The following IL34 variants were observed in gnomAD, a reference collection of about 807,000 sequenced individuals.
IL34 encodes interleukin-34.
IL34 carries 17 observed loss-of-function variants against 25.3 expected under a neutral mutation model. The ratio of observed to expected loss-of-function variants is 0.67; its 90% CI spans 0.46 to 1.01. IL34 has a LOEUF of 1.01. Ranked by LOEUF, IL34 falls within the 50% of genes least tolerant of loss-of-function variation. IL34 has a pLI of 0.00. For synonymous variants in IL34, 174 were observed against 140.9 expected, an observed-to-expected ratio of 1.23 and a Z score of -1.66; for missense variants, 368 against 312.9, an observed-to-expected ratio of 1.18 and a Z score of -1.33.
chr16:70,635,959 A>T (rs2051632545), intron 1 of IL34, among the ~76,000 whole-genome samples: 1 of 151,662 alleles, frequency 6.6e-6, no homozygotes, highest in Admixed American at 6.6e-5. Flanking sequence ...GCAAAAGAGG[A>T]TCCTCACCTT....
intron 1 of IL34, among the ~76,000 whole-genome samples, chr16:70,629,282 C>G (rs552260863): frequency 1.3e-5 from 2 of 152,260 alleles, no homozygotes; most frequent in South Asian, 4.2e-4. Context: ...GTGGGAATGC[C>G]TCTAGTGATT....
At chr16:70,644,712 GGGAGGA>G (rs1175743570), upstream of IL34, among the ~76,000 whole-genome samples, 4 of 140,524 alleles carry the variant, frequency 2.8e-5, no homozygotes, top group Admixed American at 6.9e-5. Flanking sequence ...GAGGAGGAGG[GGGAGGA>G]GGAGGGGGAG....
rs924550242 is a variant in IL34, at chr16:70,641,507, C to T, written c.-400-5041C>T. Reference sequence around the variant, plus strand: ...AATTAAAAAAATTCTTTCCCTCCCTCTCTCCCTCCCTCCCTTCCTCCCTCC... The same window carrying T: ...AATTAAAAAAATTCTTTCCCTCCCTTTCTCCCTCCCTCCCTTCCTCCCTCC... On this transcript the variant is annotated intron_variant, in intron 1 of 6. Coordinates refer to the IL34 transcript ENST00000429149. Among the ~76,000 whole-genome samples, 538 of 96,726 alleles carry T rather than the reference C, an allele frequency of 5.6e-3. 10 individuals are homozygous for T. The highest frequency in any genetic ancestry group is 0.041 in the African/African-American group (472 of 11,478). The allele number at this position is 96,726 out of a possible 152,430, so 63.5% of individuals were successfully genotyped here. A position where few individuals can be genotyped will look rare whatever the true frequency, so the allele number is the denominator to read the frequency against.
chr16:70,593,029 A>G (rs576417176), intron 1 of IL34, among the ~76,000 whole-genome samples: 3 of 151,894 alleles, frequency 2.0e-5, no homozygotes, highest in African/African-American at 7.3e-5. Flanking sequence ...GTTTCACCAT[A>G]TTGGCCAGGC....
chr16:70,621,210 G>T (rs868433731), intron 1 of IL34, among the ~76,000 whole-genome samples: 10 of 152,290 alleles, frequency 6.6e-5, no homozygotes, highest in African/African-American at 1.4e-4. Flanking sequence ...TCCCTGCATG[G>T]TCTGACACCC....
At chr16:70,632,794 G>A (rs886487654) in intron 1 of IL34, among the ~76,000 whole-genome samples, 1 of 152,148 alleles carries the variant, frequency 6.6e-6, no homozygotes, top group Non-Finnish European at 1.5e-5. Flanking sequence ...CTCTCAAGGT[G>A]AATTCAGAGT....
upstream of IL34, among the ~76,000 whole-genome samples, chr16:70,642,013 G>A (rs574738752): frequency 5.9e-5 from 9 of 152,254 alleles, no homozygotes; most frequent in East Asian, 3.9e-4. Context: ...AGTAAAGTAC[G>A]GATACATGCT....
chr16:70,590,868 G>C (rs1185547684), intron 1 of IL34, among the ~76,000 whole-genome samples: 1 of 152,052 alleles, frequency 6.6e-6, no homozygotes, highest in African/African-American at 2.4e-5. Flanking sequence ...GTCAGTTCCT[G>C]GGGTCAGGGG....
At chr16:70,583,391 C>T (rs545234794) in intron 1 of IL34, among the ~76,000 whole-genome samples, 11 of 152,172 alleles carry the variant, frequency 7.2e-5, no homozygotes, top group Admixed American at 1.3e-4. Context: ...CATGAGCCAC[C>T]GCACCTGGCA....
chr16:70,629,368 T>C (rs1045112199), intron 1 of IL34, among the ~76,000 whole-genome samples: 2 of 152,200 alleles, frequency 1.3e-5, no homozygotes, highest in Non-Finnish European at 2.9e-5. Context: ...CATCAATTCC[T>C]TCTTTTCCTG....
chr16:70,614,198 A>AG (rs2051139590), intron 1 of IL34, among the ~76,000 whole-genome samples: 1 of 151,202 alleles, frequency 6.6e-6, no homozygotes, highest in Non-Finnish European at 1.5e-5. Flanking sequence ...AAAAAAAAAA[A>AG]GAAGTGCAGT....
chr16:70,642,903 G>T (rs1408549139), upstream of IL34, among the ~76,000 whole-genome samples: 1 of 152,146 alleles, frequency 6.6e-6, no homozygotes, highest in Non-Finnish European at 1.5e-5. Context: ...ATTAGTGGCT[G>T]CCAGGGGCTG....
chr16:70,632,027 G>T (rs577594448), intron 1 of IL34, among the ~76,000 whole-genome samples: 1 of 152,028 alleles, frequency 6.6e-6, no homozygotes, highest in South Asian at 2.1e-4. Flanking sequence ...CCTGAGCCTG[G>T]GGAGGTCAAG....
At chr16:70,609,577 C>A (rs190819649) in intron 1 of IL34, among the ~76,000 whole-genome samples, 1 of 152,272 alleles carries the variant, frequency 6.6e-6, no homozygotes, top group Non-Finnish European at 1.5e-5. Flanking sequence ...CATGGCACAG[C>A]GCCTGGCACC....
intron 1 of IL34, among the ~76,000 whole-genome samples, chr16:70,584,996 C>T (rs1266946215): frequency 1.3e-5 from 2 of 152,066 alleles, no homozygotes; most frequent in East Asian, 1.9e-4. Context: ...CCACTGTGCC[C>T]GGCCATCTTA....
intron 1 of IL34, among the ~76,000 whole-genome samples, chr16:70,581,231 A>G (rs549568977): frequency 8.9e-4 from 136 of 152,188 alleles, no homozygotes; most frequent in African/African-American, 2.5e-3. Context: ...CTTACTTTTA[A>G]ATGCACATAA....
upstream of IL34, among the ~76,000 whole-genome samples, chr16:70,644,916 AGAAGGAGGAG>A (rs1356653284): frequency 2.3e-5 from 2 of 88,836 alleles, no homozygotes; most frequent in Admixed American, 1.0e-4. Flanking sequence ...AGGAGGGAGG[AGAAGGAGGAG>A]GAAGGAGGAA....
chr16:70,636,083 G>A lies in IL34; in HGVS notation c.-400-10465G>A, dbSNP rs141491281. Among the ~76,000 whole-genome samples the A allele has an allele frequency of 7.8e-3, 1,175 of 151,578 alleles. 16 individuals carry two copies. Among genetic ancestry groups the A allele is most frequent in the African/African-American group, 0.027 (1,108 of 41,274 alleles). On this transcript the variant is annotated intron_variant, in intron 1 of 6. Coordinates refer to the IL34 transcript ENST00000429149. Reference sequence around the variant, plus strand: ...TGAGACAGTCTCGCTCTGTTGCCCAGGTTGGAGTGCAGTGGCATGATCTCA... The same window carrying A: ...TGAGACAGTCTCGCTCTGTTGCCCAAGTTGGAGTGCAGTGGCATGATCTCA...
At chr16:70,583,774 C>T in intron 1 of IL34, among the ~76,000 whole-genome samples, 1 of 152,052 alleles carries the variant, frequency 6.6e-6, no homozygotes, top group Admixed American at 6.5e-5. Flanking sequence ...GCCTCAGCCT[C>T]CCCAGTAGCT....
Sources: allele counts gnomAD v4.1 joint callset (sites outside exome capture counted in the v4.1 genomes callset), GRCh38; gene constraint gnomAD v4.1.1; transcripts MANE v1.5; gene names NCBI Gene and HGNC (gene_info 2026-07-23, HGNC 2026-07-21).